Variants in NUAK1 observed in about 807,000 individuals in gnomAD.
The protein encoded by NUAK1 is NUAK family kinase 1.
NUAK1 carries 26 observed loss-of-function variants against 56.9 expected under a neutral mutation model. That is an observed-to-expected ratio of 0.46 (90% confidence interval 0.33 to 0.63). The LOEUF (loss-of-function observed/expected upper bound fraction) is 0.63. NUAK1 is among the 30% of genes least tolerant of loss of function. NUAK1 has a pLI of 0.02. For synonymous variants in NUAK1, 337 were observed against 336.0 expected (o/e 1.00, Z -0.03); for missense variants, 727 against 876.1 (o/e 0.83, Z 2.15).
intron 2 of NUAK1, among the ~76,000 whole-genome samples, chr12:106,090,728 G>A (rs527740871): frequency 3.3e-5 from 5 of 152,186 alleles, no homozygotes; most frequent in South Asian, 4.2e-4. Flanking sequence ...CCCTCAGCAC[G>A]GTGCCCCGGC....
intron 1 of NUAK1, among the ~76,000 whole-genome samples, chr12:106,118,719 T>C (rs1171702653): frequency 6.6e-6 from 1 of 152,210 alleles, no homozygotes. Flanking sequence ...CAAATACCAA[T>C]ATTCCCCAGA....
chr12:106,105,440 G>T (rs895529749), intron 2 of NUAK1, among the ~76,000 whole-genome samples: 17 of 152,114 alleles, frequency 1.1e-4, no homozygotes, highest in African/African-American at 4.1e-4. Flanking sequence ...TTTGGCAAAA[G>T]AAATTAGATT....
At chr12:106,086,990 G>T in intron 2 of NUAK1, 105 bp from the exon 3 acceptor site, 1 of 1,408,906 alleles carries the variant, frequency 7.1e-7, no homozygotes, top group Non-Finnish European at 9.8e-7. Flanking sequence ...CCAGGCAGAG[G>T]ATCGACTGAT....
intron 4 of NUAK1, among the ~76,000 whole-genome samples, chr12:106,077,558 T>C (rs984533148): frequency 2.0e-5 from 3 of 152,190 alleles, no homozygotes; most frequent in South Asian, 2.1e-4. Context: ...AGCTGCATCA[T>C]AGGATGGGAA....
intron 4 of NUAK1, among the ~76,000 whole-genome samples, chr12:106,082,947 AC>A (rs2032532917): frequency 6.6e-6 from 1 of 152,184 alleles, no homozygotes; most frequent in South Asian, 2.1e-4. Flanking sequence ...TGCCGGGAGT[AC>A]TAAGGCCGTT....
Position 106,138,566 on chromosome 12 carries a change from C to T in NUAK1, c.88G>A (p.Ala30Thr). Residue 30 changes from alanine (A) to threonine (T), a missense_variant, in exon 1 of 7, where the codon GCG becomes ACG. Ala to Thr is a moderately conservative substitution (Grantham distance 58). Coordinates refer to ENST00000261402, the MANE Select transcript of NUAK1 (RefSeq NM_014840.3). The surrounding 1 kb of genome is among the most constrained non-coding windows in gnomAD (Gnocchi z 5.0). ...TTCCTGGGCTCCAGGGCTGCAGTCG[C>T]CCCCGCCACCGCCTCTCGGGGAGAG... ...PGSPREAVAG[A>T]TAALEPRKPH... The T allele has an allele frequency of 6.2e-7, 1 of 1,605,188 alleles. No homozygotes were observed.
chr12:106,078,548 C>T (rs962006571), intron 4 of NUAK1, among the ~76,000 whole-genome samples: 2 of 152,194 alleles, frequency 1.3e-5, no homozygotes, highest in African/African-American at 2.4e-5. Context: ...CAGGAAGGTA[C>T]ACTCCATAAC....
rs373675193 is a variant in NUAK1 at position 106,086,830 on chromosome 12, C to T, written c.417G>A (p.Glu139=). 9.4e-5 allele frequency: 151 copies of T among 1,614,086 alleles called. No individual in the cohort carries two copies. Among genetic ancestry groups the T allele is most frequent in the Non-Finnish European group, 1.2e-4 (141 of 1,180,030 alleles). Residue 139 remains glutamate (E), a synonymous_variant, in exon 3 of 7, where the codon GAG becomes GAA. Coordinates refer to ENST00000261402, the MANE Select transcript of NUAK1 (RefSeq NM_014840.3). ...VIIMEYASKG[E]LYDYISERRR... is the part of the protein sequence containing the mutation. ...GCCGCTCACTGATGTAATCGTACAG[C>T]TCCCCTTTGCTGGCATATTCCATGA...
chr12:106,097,796 G>C (rs2032709822), intron 2 of NUAK1, among the ~76,000 whole-genome samples: 1 of 152,162 alleles, frequency 6.6e-6, no homozygotes, highest in South Asian at 2.1e-4. Flanking sequence ...ATTACTCTGG[G>C]TGCTGTAACC....
chr12:106,128,001 A>T (rs2033040075), intron 1 of NUAK1, among the ~76,000 whole-genome samples: 1 of 152,058 alleles, frequency 6.6e-6, no homozygotes, highest in Non-Finnish European at 1.5e-5. Context: ...CTCGACATAC[A>T]ATTTGTTAAC....
intron 1 of NUAK1, among the ~76,000 whole-genome samples, chr12:106,126,269 C>A (rs1028743882): frequency 6.6e-6 from 1 of 152,226 alleles, no homozygotes; most frequent in African/African-American, 2.4e-5. Context: ...ATCTTACTCC[C>A]TGTTGCCTCC....
At chr12:106,086,927 C>T (rs1398990344) in intron 2 of NUAK1, 42 bp from the exon 3 acceptor site, 1 of 1,592,776 alleles carries the variant, frequency 6.3e-7, no homozygotes, top group Non-Finnish European at 8.6e-7. Flanking sequence ...CCCGTTTAGC[C>T]AACAAGCTCA....
intron 2 of NUAK1, among the ~76,000 whole-genome samples, chr12:106,095,905 A>G (rs962010442): frequency 6.6e-6 from 1 of 152,150 alleles, no homozygotes; most frequent in Non-Finnish European, 1.5e-5. Context: ...TACCAGAGGC[A>G]CCTGCTGTCA....
intron 1 of NUAK1, among the ~76,000 whole-genome samples, chr12:106,114,260 C>A (rs2032894794): frequency 1.3e-5 from 2 of 152,184 alleles, no homozygotes; most frequent in African/African-American, 4.8e-5. Flanking sequence ...AACCTCCAAA[C>A]CCAGAAGAAC....
Position 106,067,300 on chromosome 12 carries a change from C to T in NUAK1, c.1488G>A (p.Val496=), listed in dbSNP as rs772269401. 2 of 1,614,176 alleles carry T rather than the reference C, an allele frequency of 1.2e-6. No individual in the cohort carries two copies. The highest frequency in any genetic ancestry group is 3.3e-5 in the Admixed American group (2 of 60,030). The change falls in exon 7 of 7, where the codon GTG becomes GTA. Residue 496 remains valine, a synonymous_variant. Coordinates refer to ENST00000261402, the MANE Select transcript of NUAK1 (RefSeq NM_014840.3). This position sits in a 1 kb window ranked among gnomAD's most constrained non-coding sequence, Gnocchi z 6.0. ...ESSELLDSND[V]MGSSIPSPSP... ...TGGGGGAGGGGATGCTGCTGCCCAT[C>T]ACATCATTACTGTCCAACAGCTCCG...
chr12:106,137,577 GC>G (rs1441936661), intron 1 of NUAK1, among the ~76,000 whole-genome samples: 1 of 152,224 alleles, frequency 6.6e-6, no homozygotes, highest in East Asian at 1.9e-4. Context: ...CTGGGACAAG[GC>G]AGACAGACCC....
rs546483648 is a variant in NUAK1 at position 106,090,180 on chromosome 12, T to C, written c.362-3295A>G. Among the ~76,000 whole-genome samples, 35 of 152,230 alleles carry C rather than the reference T, an allele frequency of 2.3e-4. No homozygotes were observed. The South Asian group carries it at 5.2e-3, about 23-fold the overall frequency. On this transcript the variant is annotated intron_variant, in intron 2 of 6. Transcript: ENST00000261402. ...GGGATAAAACTGGCCCCTCATTCTC[T>C]CAGGCAGGGCCAGTGAGCAATCTGG...
chr12:106,069,214 T>C (rs1455608338), intron 6 of NUAK1, among the ~76,000 whole-genome samples: 3 of 152,234 alleles, frequency 2.0e-5, no homozygotes, highest in South Asian at 4.1e-4. Flanking sequence ...TTTGCAGTCA[T>C]TTTTGCATAT....
At chr12:106,089,278 G>T (rs2032609337) in intron 2 of NUAK1, among the ~76,000 whole-genome samples, 1 of 152,200 alleles carries the variant, frequency 6.6e-6, no homozygotes, top group Admixed American at 6.5e-5. Context: ...GTCTTTAAGG[G>T]AGCCAAAGCC....
Sources: gnomAD v4.1 joint callset for allele counts (sites outside exome capture counted in the v4.1 genomes callset) on GRCh38, gnomAD v4.1.1 for gene constraint, Gnocchi (gnomAD v3.1) non-coding constraint, MANE v1.5 for transcripts, NCBI Gene and HGNC (gene_info 2026-07-23, HGNC 2026-07-21) for gene names.